SOX5: variants seen among roughly 807,000 people sequenced by gnomAD.
SOX5 encodes the protein transcription factor SOX-5.
SOX5 carries 9 observed loss-of-function variants against 92.0 expected under a neutral mutation model. The ratio of observed to expected loss-of-function variants is 0.10; its 90% CI spans 0.06 to 0.17. The LOEUF (loss-of-function observed/expected upper bound fraction) is 0.17, where lower values mean the gene tolerates loss of function less well. SOX5 is among the 10% of genes least tolerant of loss of function. SOX5 has a pLI of 1.00. For missense variants in SOX5, 642 were observed against 944.5 expected (o/e 0.68, Z 4.20); for synonymous variants, 344 against 336.3 (o/e 1.02, Z -0.25).
intron 4 of SOX5, among the ~76,000 whole-genome samples, chr12:24,123,903 A>C (rs1156636847): frequency 6.6e-6 from 1 of 152,174 alleles, no homozygotes; most frequent in African/African-American, 2.4e-5. Flanking sequence ...AGGCGATCCC[A>C]ATCTCACTCA....
upstream of SOX5, chr12:23,949,844 C>G (rs1248789093): frequency 2.0e-6 from 1 of 498,704 alleles, no homozygotes; most frequent in Non-Finnish European, 3.5e-6. Flanking sequence ...CTTGACCAGT[C>G]TCTTAAAGGG....
chr12:23,770,048 G>T (rs1027048231), intron 3 of SOX5, among the ~76,000 whole-genome samples: 357 of 106,224 alleles, frequency 3.4e-3, no homozygotes, highest in Middle Eastern at 6.2e-3. Context: ...TGCTCCCTCT[G>T]TTTTTTTTTT....
chr12:23,666,392 G>A (rs185512162), intron 6 of SOX5, among the ~76,000 whole-genome samples: 10 of 152,268 alleles, frequency 6.6e-5, no homozygotes, highest in African/African-American at 2.2e-4. Flanking sequence ...CAGCACAATA[G>A]AATCACTATC....
chr12:24,020,606 A>T (rs980301842), intron 4 of SOX5, among the ~76,000 whole-genome samples: 1 of 152,178 alleles, frequency 6.6e-6, no homozygotes, highest in African/African-American at 2.4e-5. Context: ...GTAGCTATGC[A>T]CTACCCCTGA....
At chr12:24,355,467 C>T (rs1954720303) in intron 2 of SOX5, among the ~76,000 whole-genome samples, 1 of 151,838 alleles carries the variant, frequency 6.6e-6, no homozygotes, top group Non-Finnish European at 1.5e-5. Context: ...TGCTGGGCCC[C>T]CTCCCTGGAG....
intron 4 of SOX5, among the ~76,000 whole-genome samples, chr12:24,099,228 T>C (rs930175972): frequency 6.6e-6 from 1 of 152,164 alleles, no homozygotes; most frequent in Non-Finnish European, 1.5e-5. Context: ...AACCTCAAGA[T>C]TGCTCTCTTG....
intron 6 of SOX5, among the ~76,000 whole-genome samples, chr12:23,719,036 A>G (rs2092667841): frequency 6.6e-6 from 1 of 152,174 alleles, no homozygotes. Context: ...CATGGTTTTG[A>G]GAGTTTTTGT....
intron 1 of SOX5, among the ~76,000 whole-genome samples, chr12:23,905,063 G>A (rs1366536227): frequency 6.6e-6 from 1 of 152,174 alleles, no homozygotes; most frequent in Non-Finnish European, 1.5e-5. Flanking sequence ...TCTGATTCTT[G>A]TCATTATCTG....
chr12:24,205,319 T>C (rs12581837), intron 4 of SOX5, among the ~76,000 whole-genome samples: 20,516 of 152,158 alleles, frequency 0.13, 1,875 homozygotes, highest in East Asian at 0.49. Flanking sequence ...TGTTAATAGC[T>C]CATTCAAATA....
intron 4 of SOX5, among the ~76,000 whole-genome samples, chr12:24,114,121 G>C (rs1181992843): frequency 6.6e-6 from 1 of 152,068 alleles, no homozygotes; most frequent in Non-Finnish European, 1.5e-5. Context: ...AAGATATGTA[G>C]ACATCAGAGT....
At position 23,881,414 on chromosome 12, in the gene SOX5, T is replaced by C. The variant is rs1205019293; in HGVS notation, c.270+14379A>G. On this transcript the variant is annotated intron_variant, in intron 2 of 14. Coordinates refer to ENST00000451604, the MANE Select transcript of SOX5 (RefSeq NM_006940.6). ...GTAGACTACATCCACTCAGCACTAA[T>C]CTCTGAAAACTTAATGCTCTGCATA... Among the ~76,000 whole-genome samples, 4 of 152,096 alleles carry C rather than the reference T, an allele frequency of 2.6e-5. No individual in the cohort carries two copies. The South Asian group carries it at 6.2e-4, about 24-fold the overall frequency.
chr12:24,143,593 G>C (rs1048076226), intron 4 of SOX5, among the ~76,000 whole-genome samples: 3 of 151,994 alleles, frequency 2.0e-5, no homozygotes, highest in African/African-American at 7.3e-5. Flanking sequence ...GCACTGGATG[G>C]GATTTATAAC....
intron 1 of SOX5, among the ~76,000 whole-genome samples, chr12:23,902,699 T>C (rs1568810297): frequency 6.6e-6 from 1 of 152,164 alleles, no homozygotes; most frequent in Middle Eastern, 3.2e-3. Flanking sequence ...TTCATGTAAA[T>C]TTTTTTCAAG....
chr12:24,507,156 G>A (rs1395993370), intron 1 of SOX5, among the ~76,000 whole-genome samples: 1 of 151,890 alleles, frequency 6.6e-6, no homozygotes, highest in Admixed American at 6.6e-5. Flanking sequence ...TGAAATAATT[G>A]ATTTAGGCAA....
intron 2 of SOX5, among the ~76,000 whole-genome samples, chr12:24,355,216 T>C (rs1273186658): frequency 6.7e-6 from 1 of 150,078 alleles, no homozygotes; most frequent in Admixed American, 6.6e-5. Flanking sequence ...ATAGTGTGGT[T>C]CCCAGCCAGC....
intron 10 of SOX5, among the ~76,000 whole-genome samples, chr12:23,575,275 G>A (rs917434070): frequency 6.6e-6 from 1 of 152,132 alleles, no homozygotes; most frequent in African/African-American, 2.4e-5. Context: ...GAGGCAAAAT[G>A]CATTTCATCA....
rs571935653 is a variant in SOX5, at chr12:24,361,766, GC to G, written c.-174+6796del. ...GGTTAAAATTGACAGGACAAACTGA[GC>G]CCTGTAAAGACCTCCATCAGCACTA... On this transcript the variant is annotated intron_variant, in intron 2 of 4. Coordinates refer to the SOX5 transcript ENST00000446891. 5.5e-3 allele frequency among the ~76,000 whole-genome samples: 836 copies of G among 152,326 alleles called. 8 individuals are homozygous for G. The highest frequency in any genetic ancestry group is 0.017 in the South Asian group (84 of 4,828).
chr12:24,356,140 T>C (rs192426724), intron 2 of SOX5, among the ~76,000 whole-genome samples: 7 of 152,254 alleles, frequency 4.6e-5, no homozygotes, highest in Non-Finnish European at 1.0e-4. Flanking sequence ...CTGAGCAAAA[T>C]TGGATATTAC....
chr12:23,643,312 GAAGC>G (rs2080368262), intron 7 of SOX5, among the ~76,000 whole-genome samples: 1 of 152,194 alleles, frequency 6.6e-6, no homozygotes, highest in African/African-American at 2.4e-5. Context: ...ACACAGATTA[GAAGC>G]AAGACTGCCA....
Sources: gnomAD v4.1 joint callset for allele counts (sites outside exome capture counted in the v4.1 genomes callset) on GRCh38, gnomAD v4.1.1 for gene constraint, MANE v1.5 for transcripts, NCBI Gene and HGNC (gene_info 2026-07-23, HGNC 2026-07-21) for gene names.